Variants in KCNC3 observed in about 807,000 individuals in gnomAD.
KCNC3 encodes the protein voltage-gated potassium channel KCNC3.
In KCNC3, 22 loss-of-function variants were observed where a neutral mutation model predicts 43.9. The observed-to-expected ratio is 0.50, with a 90% CI of 0.36 to 0.72. The LOEUF is 0.72. Ranked by LOEUF, KCNC3 falls within the 30% of genes least tolerant of loss-of-function variation. The pLI, the probability that KCNC3 is intolerant of heterozygous loss-of-function variation, is 0.00. For synonymous variants in KCNC3, 492 were observed against 488.0 expected (o/e 1.01, Z -0.11); for missense variants, 829 against 1,073.8 (o/e 0.77, Z 3.19).
chr19:50,322,611 G>C (rs982585564), intron 2 of KCNC3, among the ~76,000 whole-genome samples: 1 of 152,074 alleles, frequency 6.6e-6, no homozygotes, highest in Admixed American at 6.5e-5. Flanking sequence ...CTCAGATGCT[G>C]CTACGTTCCC....
chr19:50,325,362 C>G (rs370964461), intron 1 of KCNC3, among the ~76,000 whole-genome samples: 1 of 152,120 alleles, frequency 6.6e-6, no homozygotes, highest in African/African-American at 2.4e-5. Flanking sequence ...GCACAGAGCA[C>G]GGGGAGGCCA....
At chr19:50,321,612 A>G (rs1308381605) in intron 2 of KCNC3, among the ~76,000 whole-genome samples, 2 of 152,158 alleles carry the variant, frequency 1.3e-5, no homozygotes, top group African/African-American at 4.8e-5. Flanking sequence ...TCTACTAAAA[A>G]TACAAAAATT....
In KCNC3 at chr19:50,328,682, T is replaced by A. The variant is rs2037138129; in HGVS notation, c.401A>T (p.Glu134Val). 6.2e-7 allele frequency: 1 copy of A among 1,607,830 alleles called. No individual in the cohort carries two copies. The highest frequency in any genetic ancestry group is 1.7e-5 in the Admixed American group (1 of 59,446). Residue 134 changes from glutamate to valine, a missense_variant, in exon 1 of 5, where the codon GAG becomes GTG. By Grantham distance (121) the Glu-to-Val change is moderately radical. Around this residue, in one of 7 missense-constraint regions of KCNC3, gnomAD observed 121 missense variants for 247.4 expected, o/e 0.49. Coordinates refer to ENST00000477616, the MANE Select transcript of KCNC3 (RefSeq NM_004977.3). ...ARFDYDPGAD[E>V]FFFDRHPGVF... ...TCCCGGGTGCCGGTCAAAGAAGAAC[T>A]CGTCGGCGCCCGGGTCGTAGTCGAA...
Position 50,323,962 on chromosome 19 carries a change from C to T in KCNC3, c.991G>A (p.Gly331Arg), listed in dbSNP as rs1305901422. ...KTVTQASPIP[G>R]APPENITNVE... Reference sequence around the variant, plus strand: ...TTGGTGATGTTCTCCGGAGGTGCCCCGGGGATCGGGGAGGCCTGGGTCACC... The same window carrying T: ...TTGGTGATGTTCTCCGGAGGTGCCCTGGGGATCGGGGAGGCCTGGGTCACC... Residue 331 changes from glycine to arginine, a missense_variant, in exon 2 of 5, where the codon GGG (glycine) becomes AGG (arginine). This residue lies in a region of KCNC3 where 157 missense variants were observed against 293.5 expected (regional missense o/e 0.53). Transcript: ENST00000477616. 6.8e-6 allele frequency: 11 copies of T among 1,613,542 alleles called. No homozygotes were observed. Among genetic ancestry groups the T allele is most frequent in the Non-Finnish European group, 7.6e-6 (9 of 1,179,490 alleles).
In KCNC3 at chr19:50,323,264, G is replaced by A. The variant is rs373740686; in HGVS notation, c.1689C>T (p.Ile563=). 2.5e-6 allele frequency: 4 copies of A among 1,605,738 alleles called. No homozygotes were observed. The highest frequency in any genetic ancestry group is 3.3e-5 in the Admixed American group (2 of 59,982). ...QKLPKKKNKH[I]PRPPQPGSPN... ...GCGAGCCCGGTTGCGGGGGCCGGGG[G>A]ATGTGTTTGTTCTTCTTCTTGGGCA... The change falls in exon 2 of 5, where the codon ATC becomes ATT. Residue 563 remains isoleucine, a synonymous_variant. Transcript: ENST00000477616.
intron 2 of KCNC3, among the ~76,000 whole-genome samples, chr19:50,322,130 C>A (rs2037041559): frequency 6.6e-6 from 1 of 152,028 alleles, no homozygotes; most frequent in Non-Finnish European, 1.5e-5. Context: ...CCTTTCTTGA[C>A]CTACTTAAGG....
chr19:50,327,563 G>A (rs1345879271), intron 1 of KCNC3, among the ~76,000 whole-genome samples: 2 of 152,108 alleles, frequency 1.3e-5, no homozygotes, highest in Non-Finnish European at 2.9e-5. Context: ...CAGGAAGGGA[G>A]TGGAAAAAAT....
In KCNC3 at chr19:50,324,114, A is replaced by T; in HGVS notation, c.871-32T>A. On this transcript the variant is annotated intron_variant, in intron 1 of 4. Transcript: ENST00000477616. This position sits in a 1 kb window ranked among gnomAD's most constrained non-coding sequence, Gnocchi z 4.1. Reference sequence around the variant, plus strand: ...GGCAGGGAGGGAGAGAGAGGGGGAGAGGTGACCTAGGCATCAGGTTGGCCA... The same window carrying T: ...GGCAGGGAGGGAGAGAGAGGGGGAGTGGTGACCTAGGCATCAGGTTGGCCA... 6.4e-7 allele frequency: 1 copy of T among 1,553,988 alleles called. No individual in the cohort carries two copies. Among genetic ancestry groups the T allele is most frequent in the Non-Finnish European group, 8.7e-7 (1 of 1,150,722 alleles).
Position 50,323,512 on chromosome 19 carries a change from C to G in KCNC3, c.1441G>C (p.Gly481Arg). 6.2e-7 allele frequency: 1 copy of G among 1,614,192 alleles called. No individual in the cohort carries two copies. Among genetic ancestry groups the G allele is most frequent in the Non-Finnish European group, 8.5e-7 (1 of 1,180,044 alleles). ...RIGADPDDIL[G>R]SNHTYFKNIP... The stretch of plus-strand genomic sequence containing the variant: ...TTCTTGAAGTAGGTGTGGTTGGAGC[C>G]CAGGATGTCATCGGGGTCGGCGCCA... The change falls in exon 2 of 5, where the codon GGC becomes CGC. Residue 481 changes from glycine to arginine, a missense_variant. Coordinates refer to ENST00000477616, the MANE Select transcript of KCNC3 (RefSeq NM_004977.3).
At chr19:50,320,485 A>T in intron 3 of KCNC3, 108 bp downstream of exon 3, 1 of 1,024,880 alleles carries the variant, frequency 9.8e-7, no homozygotes, top group Non-Finnish European at 1.4e-6. Context: ...GGCCAAGGGA[A>T]GGGGGAAGGG....
upstream of KCNC3, chr19:50,333,427 C>G (rs10411345): frequency 0.21 from 33,687 of 156,784 alleles, 3,947 homozygotes; most frequent in Admixed American, 0.3. Context: ...TCCGAGGGAA[C>G]GGTATCCCCG....
Position 50,323,339 on chromosome 19 carries a change from A to G in KCNC3, c.1614T>C (p.Ile538=). 1 of 1,614,094 alleles carries G rather than the reference A, an allele frequency of 6.2e-7. No homozygotes were observed. Among genetic ancestry groups the G allele is most frequent in the South Asian group, 1.1e-5 (1 of 91,090 alleles). Residue 538 remains isoleucine (I), a synonymous_variant, in exon 2 of 5, where the codon ATT becomes ATC. Transcript: ENST00000477616. ...AATAGTACATGCCAAAGTTGTTGAC[A>G]ATGACGGGCACAGGCATGGCGATGG... is the stretch of plus-strand genomic sequence containing the variant. ...VLTIAMPVPV[I]VNNFGMYYSL... is the part of the protein sequence containing the mutation.
intron 4 of KCNC3, 78 bp from the exon 5 acceptor site, chr19:50,316,169 T>G: frequency 1.7e-5 from 6 of 357,808 alleles, no homozygotes; most frequent in East Asian, 4.3e-5. Context: ...GCCTCACTGT[T>G]GGGGGGATGG....
At chr19:50,330,413 G>A (rs1187480487), upstream of KCNC3, among the ~76,000 whole-genome samples, 1 of 152,156 alleles carries the variant, frequency 6.6e-6, no homozygotes, top group African/African-American at 2.4e-5. Flanking sequence ...AGGAACGGGA[G>A]AGGTGGATCC....
intron 1 of KCNC3, among the ~76,000 whole-genome samples, chr19:50,327,127 G>C (rs981661764): frequency 1.3e-5 from 2 of 152,038 alleles, no homozygotes; most frequent in Non-Finnish European, 2.9e-5. Context: ...GATGGGGGGA[G>C]TCCCAGGGAT....
intron 3 of KCNC3, 70 bp downstream of exon 3, chr19:50,320,523 C>T: frequency 1.4e-6 from 2 of 1,461,632 alleles, no homozygotes; most frequent in South Asian, 2.4e-5. Context: ...CCCCATCCCC[C>T]TCTCCTCCCT....
intron 2 of KCNC3, among the ~76,000 whole-genome samples, chr19:50,321,208 C>T (rs2037030200): frequency 6.6e-6 from 1 of 152,036 alleles, no homozygotes; most frequent in Non-Finnish European, 1.5e-5. Flanking sequence ...TGGCTCATGC[C>T]TATAATCCCA....
intron 4 of KCNC3, among the ~76,000 whole-genome samples, chr19:50,316,700 C>T (rs1162772775): frequency 3.3e-5 from 5 of 152,008 alleles, no homozygotes; most frequent in African/African-American, 1.2e-4. Context: ...TGCGCCACTG[C>T]ACTCCAGCCT....
intron 1 of KCNC3, among the ~76,000 whole-genome samples, chr19:50,326,094 C>T (rs1208987070): frequency 6.6e-6 from 1 of 152,078 alleles, no homozygotes; most frequent in Non-Finnish European, 1.5e-5. Flanking sequence ...GCTGTAGGGT[C>T]GGACCCTCCA....
Sources: allele counts gnomAD v4.1 joint callset (sites outside exome capture counted in the v4.1 genomes callset), GRCh38; gene constraint gnomAD v4.1.1; regional missense constraint gnomAD v4.1.1; non-coding constraint Gnocchi (gnomAD v3.1); transcripts MANE v1.5; gene names NCBI Gene and HGNC (gene_info 2026-07-23, HGNC 2026-07-21).